The following PDGFRB variants were observed in gnomAD, a reference collection of about 807,000 sequenced individuals.
PDGFRB encodes the protein platelet derived growth factor receptor beta.
PDGFRB carries 42 observed loss-of-function variants against 120.2 expected under a neutral mutation model. That is an observed-to-expected ratio of 0.35 (90% CI 0.27 to 0.45). The LOEUF is 0.45. Among genes scored for constraint, PDGFRB ranks in the 20% least tolerant of loss-of-function variants. PDGFRB has a pLI of 1.00. For synonymous variants in PDGFRB, 586 were observed against 606.8 expected, an observed-to-expected ratio of 0.97 and a Z score of 0.50; for missense variants, 1,149 against 1,476.3, an observed-to-expected ratio of 0.78 and a Z score of 3.63.
rs1295031170 is a variant in PDGFRB, at chr5:150,155,789, G to A, written c.-399C>T. Reference sequence around the variant, plus strand: ...TTGTTGATCTCCTCTCTGGCTCCAAGTTGCTCACAGAGCGATCCTGGGTCC... The same window carrying A: ...TTGTTGATCTCCTCTCTGGCTCCAAATTGCTCACAGAGCGATCCTGGGTCC... On this transcript the variant is annotated 5_prime_UTR_variant, in exon 1 of 23. Coordinates refer to ENST00000261799, the MANE Select transcript of PDGFRB (RefSeq NM_002609.4). 1.0e-5 allele frequency: 4 copies of A among 398,154 alleles called. No individual in the cohort carries two copies. Among genetic ancestry groups the A allele is most frequent in the South Asian group, 2.6e-4 (2 of 7,604 alleles). The allele number at this position is 398,154 out of a possible 1,614,324, so 24.7% of individuals were successfully genotyped here.
At chr5:150,125,663 GC>G in intron 11 of PDGFRB, 86 bp from the exon 12 acceptor site, 1 of 1,339,600 alleles carries the variant, frequency 7.5e-7, no homozygotes, top group Non-Finnish European at 1.1e-6. Context: ...GACACATGGG[GC>G]AGGAGACCCT....
Position 150,120,182 on chromosome 5 carries a change from C to T in PDGFRB, c.2587-59G>A. ...GGAAGGACCTCAGCCCCACTCTGCA[C>T]CTGGGATGGGAGGAGGGTATCTGGC... On this transcript the variant is annotated intron_variant, in intron 18 of 22. Coordinates refer to ENST00000261799, the MANE Select transcript of PDGFRB (RefSeq NM_002609.4). The surrounding 1 kb of genome is among the most constrained non-coding windows in gnomAD (Gnocchi z 4.3). 1.3e-6 allele frequency: 1 copy of T among 793,290 alleles called. No homozygotes were observed. The highest frequency in any genetic ancestry group is 2.3e-6 in the Non-Finnish European group (1 of 434,314). The allele number at this position is 793,290 out of a possible 1,614,324, so 49.1% of individuals were successfully genotyped here.
rs1275407530 is a variant in PDGFRB, at chr5:150,132,865, C to T, written c.1012G>A (p.Val338Ile). The T allele has an allele frequency of 4.4e-6, 7 of 1,604,306 alleles. No homozygotes were observed. The highest frequency in any genetic ancestry group is 2.2e-5 in the East Asian group (1 of 44,508). ...GGCGGTGGGTAGGCCTCGAACACTA[C>T]CTGCAGTGTCCGGCTCCGATGCAGC... ...AELHRSRTLQ[V>I]VFEAYPPPTV... The change falls in exon 7 of 23, where the codon GTA becomes ATA. Residue 338 changes from valine (V) to isoleucine (I), a missense_variant. By Grantham distance (29) the Val-to-Ile change is conservative (BLOSUM62 3). This residue lies in a region of PDGFRB where 879 missense variants were observed against 1,108.6 expected (regional missense o/e 0.79). Transcript: ENST00000261799. The surrounding 1 kb of genome is among the most constrained non-coding windows in gnomAD (Gnocchi z 5.0).
rs1232469262 is a variant in PDGFRB at position 150,129,804 on chromosome 5, C to T, written c.1532G>A (p.Arg511His). The change falls in exon 10 of 23, where the codon CGC becomes CAC. Residue 511 changes from arginine to histidine, a missense_variant. Arg to His is a conservative substitution (Grantham distance 29). Transcript: ENST00000261799. ...CTGCGTGTCCTGGCCCACAGCGTTG[C>T]GCAGCGTGCAGCGCACCGACAGTGG... ...DRPLSVRCTL[R>H]NAVGQDTQEV... The T allele has an allele frequency of 8.7e-6, 14 of 1,613,992 alleles. No homozygotes were observed. Among genetic ancestry groups the T allele is most frequent in the East Asian group, 6.7e-5 (3 of 44,894 alleles).
At chr5:150,130,937 A>G (rs1238365228) in intron 8 of PDGFRB, among the ~76,000 whole-genome samples, 1 of 152,220 alleles carries the variant, frequency 6.6e-6, no homozygotes, top group Non-Finnish European at 1.5e-5. Flanking sequence ...CCTCAAGCTC[A>G]GAACCCTGGG....
chr5:150,132,781 C>A lies in PDGFRB; in HGVS notation c.1096G>T (p.Ala366Ser). The change falls in exon 7 of 23, where the codon GCC (alanine) becomes TCC (serine). Residue 366 changes from alanine to serine, a missense_variant. Coordinates refer to ENST00000261799, the MANE Select transcript of PDGFRB (RefSeq NM_002609.4). The surrounding 1 kb of genome is among the most constrained non-coding windows in gnomAD (Gnocchi z 5.0). Reference sequence around the variant, plus strand: ...TCCGACACGTTGCGCGTGGACAGGGCGATTTCGCCAGCGCTGGAGTCGCCC... The same window carrying A: ...TCCGACACGTTGCGCGTGGACAGGGAGATTTCGCCAGCGCTGGAGTCGCCC... ...TLGDSSAGEIALSTRNVSETR... is the reference protein window; with the variant it reads ...TLGDSSAGEISLSTRNVSETR... 6.2e-7 allele frequency: 1 copy of A among 1,613,172 alleles called. No individual in the cohort carries two copies. Among genetic ancestry groups the A allele is most frequent in the Middle Eastern group, 1.7e-4 (1 of 6,056 alleles).
rs547936842 is a variant in PDGFRB, at chr5:150,144,780, C to A, written c.-6-7727G>T. Among the ~76,000 whole-genome samples, 3 of 152,250 alleles carry A rather than the reference C, an allele frequency of 2.0e-5. No homozygotes were observed. In the East Asian group the frequency reaches 5.8e-4, roughly 29 times the overall value. ...AAGGAGGTCAGTGAGGGAGGGAGGCCTGCTGCACACCCCTGCCCACCGGCT... is the reference window on the plus strand; with the variant it reads ...AAGGAGGTCAGTGAGGGAGGGAGGCATGCTGCACACCCCTGCCCACCGGCT... On this transcript the variant is annotated intron_variant, in intron 1 of 22. Transcript: ENST00000261799.
intron 1 of PDGFRB, chr5:150,153,921 C>T (rs889279842): frequency 6.6e-6 from 1 of 152,220 alleles, no homozygotes; most frequent in African/African-American, 2.4e-5. Context: ...TTCACCAGGA[C>T]ATTTTTTCAG....
intron 19 of PDGFRB, 41 bp downstream of exon 19, chr5:150,119,971 C>A (rs1231829218): frequency 9.9e-7 from 1 of 1,012,604 alleles, no homozygotes; most frequent in African/African-American, 1.6e-5. Context: ...AGGTAGACAC[C>A]AGGCCAGGAT....
chr5:150,116,282 C>T (rs1026317209), intron 22 of PDGFRB, among the ~76,000 whole-genome samples: 3 of 152,144 alleles, frequency 2.0e-5, no homozygotes, highest in African/African-American at 4.8e-5. Context: ...TTGCAATGAC[C>T]GCCTAATAGA....
chr5:150,133,445 C>A, intron 6 of PDGFRB, 141 bp downstream of exon 6: 1 of 729,580 alleles, frequency 1.4e-6, no homozygotes, highest in Admixed American at 2.0e-5. Context: ...TACCCCGGGG[C>A]TGTGACAGGC....
Position 150,134,838 on chromosome 5 carries a change from A to G in PDGFRB, c.543T>C (p.Gly181=). The change falls in exon 4 of 23, where the codon GGT becomes GGC. Residue 181 remains glycine (G), a synonymous_variant. Transcript: ENST00000261799. ...VPYDHQRGFS[G]IFEDRSYICK... is the part of the protein sequence containing the mutation. The stretch of plus-strand genomic sequence containing the variant: ...AGATGTAGCTTCTGTCCTCAAAGAT[A>G]CCAGAAAAGCCACGTTGGTGATCAT... 6.2e-7 allele frequency: 1 copy of G among 1,614,206 alleles called. No individual in the cohort carries two copies. Among genetic ancestry groups the G allele is most frequent in the Non-Finnish European group, 8.5e-7 (1 of 1,180,032 alleles).
intron 22 of PDGFRB, among the ~76,000 whole-genome samples, chr5:150,116,675 A>G (rs1393857093): frequency 6.6e-6 from 1 of 152,152 alleles, no homozygotes; most frequent in Non-Finnish European, 1.5e-5. Context: ...ATGTTTAGAC[A>G]GTGAAGCAGC....
intron 5 of PDGFRB, 22 bp from the exon 6 acceptor site, chr5:150,133,782 G>A: frequency 6.2e-7 from 1 of 1,612,964 alleles, no homozygotes; most frequent in African/African-American, 1.3e-5. Flanking sequence ...GGTTGGGCAG[G>A]CCCCCCAAAT....
chr5:150,118,703 C>T, intron 21 of PDGFRB, 44 bp downstream of exon 21: 2 of 1,193,464 alleles, frequency 1.7e-6, no homozygotes, highest in Non-Finnish European at 2.5e-6. Context: ...CTGACTTCTG[C>T]ACCAGAGCTC....
chr5:150,117,996 T>C (rs772524217), intron 21 of PDGFRB, 146 bp from the exon 22 acceptor site: 2 of 617,332 alleles, frequency 3.2e-6, no homozygotes, highest in Non-Finnish European at 5.8e-6. Flanking sequence ...AGCCACATGG[T>C]TGAGCTGCCC....
At position 150,130,574 on chromosome 5, in the gene PDGFRB, C is replaced by A. The variant is rs751959209; in HGVS notation, c.1332G>T (p.Pro444=). ...VRCRGRGMPQ[P]NIIWSACRDL... ...CTCTGCAGGCAGACCAGATGATGTT[C>A]GGCTGGGGCATGCCCCGGCCACGAC... is the stretch of plus-strand genomic sequence containing the variant. The change falls in exon 9 of 23, where the codon CCG becomes CCT. Residue 444 remains proline (P), a synonymous_variant. Coordinates refer to ENST00000261799, the MANE Select transcript of PDGFRB (RefSeq NM_002609.4). 1 of 1,592,732 alleles carries A rather than the reference C, an allele frequency of 6.3e-7. No individual in the cohort carries two copies. The highest frequency in any genetic ancestry group is 2.3e-5 in the East Asian group (1 of 42,944).
chr5:150,124,873 G>T, intron 12 of PDGFRB, 42 bp from the exon 13 acceptor site: 1 of 977,500 alleles, frequency 1.0e-6, no homozygotes, highest in Non-Finnish European at 1.5e-6. Context: ...CTACCAGGAA[G>T]CTGCACCGCT....
chr5:150,132,828 C>A lies in PDGFRB; in HGVS notation c.1049G>T (p.Trp350Leu), dbSNP rs764220634. The change falls in exon 7 of 23, where the codon TGG becomes TTG. Residue 350 changes from tryptophan (W) to leucine (L), a missense_variant. Physicochemically the swap from Trp to Leu is moderately conservative, Grantham distance 61. This residue lies in a region of PDGFRB where 879 missense variants were observed against 1,108.6 expected (regional missense o/e 0.79). Coordinates refer to ENST00000261799, the MANE Select transcript of PDGFRB (RefSeq NM_002609.4). This position sits in a 1 kb window ranked among gnomAD's most constrained non-coding sequence, Gnocchi z 5.0. ...FEAYPPPTVL[W>L]FKDNRTLGDS... ...GCCCAGGGTGCGGTTGTCTTTGAACCACAGGACAGTGGGCGGTGGGTAGGC... is the reference window on the plus strand; with the variant it reads ...GCCCAGGGTGCGGTTGTCTTTGAACAACAGGACAGTGGGCGGTGGGTAGGC... 1 of 1,612,060 alleles carries A rather than the reference C, an allele frequency of 6.2e-7. No individual in the cohort carries two copies. The highest frequency in any genetic ancestry group is 8.5e-7 in the Non-Finnish European group (1 of 1,179,352).
Sources: allele counts gnomAD v4.1 joint callset (sites outside exome capture counted in the v4.1 genomes callset), GRCh38; gene constraint gnomAD v4.1.1; regional missense constraint gnomAD v4.1.1; non-coding constraint Gnocchi (gnomAD v3.1); transcripts MANE v1.5; gene names NCBI Gene and HGNC (gene_info 2026-07-23, HGNC 2026-07-21).